PINX1: variants seen among roughly 807,000 people sequenced by gnomAD.
PINX1 encodes PIN2/TERF1-interacting telomerase inhibitor 1.
A neutral mutation model predicts 25.4 loss-of-function variants in PINX1; 34 were observed. The ratio of observed to expected loss-of-function variants is 1.34; its 90% CI spans 1.02 to 1.78. The LOEUF (loss-of-function observed/expected upper bound fraction) is 1.78, where lower values mean the gene tolerates loss of function less well. Among genes scored for constraint, PINX1 ranks in the 40% most tolerant of loss-of-function variants. The pLI, the probability that PINX1 is intolerant of heterozygous loss-of-function variation, is 0.00. For synonymous variants in PINX1, 197 were observed against 147.7 expected (o/e 1.33, Z -2.42); for missense variants, 592 against 404.9 (o/e 1.46, Z -3.97).
At chr8:10,808,184 A>C (rs1208228904) in intron 6 of PINX1, among the ~76,000 whole-genome samples, 1 of 152,252 alleles carries the variant, frequency 6.6e-6, no homozygotes. Context: ...TATACAATAC[A>C]ATCAGTAGTT....
chr8:10,823,214 C>T (rs778364998), intron 5 of PINX1, among the ~76,000 whole-genome samples: 3 of 152,284 alleles, frequency 2.0e-5, no homozygotes, highest in African/African-American at 7.2e-5. Flanking sequence ...CTGTATTTCC[C>T]GACCAGGAAG....
At chr8:10,812,639 A>G (rs759003671) in intron 6 of PINX1, among the ~76,000 whole-genome samples, 10 of 152,212 alleles carry the variant, frequency 6.6e-5, no homozygotes, top group Non-Finnish European at 1.5e-4. Context: ...GTTTCTGTGC[A>G]TAACATGCTT....
intron 6 of PINX1, among the ~76,000 whole-genome samples, chr8:10,815,660 T>C (rs1035238929): frequency 6.6e-6 from 1 of 152,220 alleles, no homozygotes; most frequent in Non-Finnish European, 1.5e-5. Flanking sequence ...GAGTGTACCC[T>C]GAGATACTGC....
chr8:10,779,058 A>G (rs1233288128), intron 6 of PINX1, among the ~76,000 whole-genome samples: 1 of 152,192 alleles, frequency 6.6e-6, no homozygotes, highest in Non-Finnish European at 1.5e-5. Context: ...TTACGCTTCC[A>G]TTTTGGAATG....
At chr8:10,828,181 G>A (rs1242426886) in intron 4 of PINX1, among the ~76,000 whole-genome samples, 1 of 152,160 alleles carries the variant, frequency 6.6e-6, no homozygotes, top group Admixed American at 6.5e-5. Context: ...TCCACAAGCT[G>A]AAACATTCTC....
intron 6 of PINX1, among the ~76,000 whole-genome samples, chr8:10,790,203 C>T (rs563061554): frequency 2.0e-5 from 3 of 152,220 alleles, no homozygotes; most frequent in Admixed American, 6.5e-5. Context: ...TGTCTGTAAG[C>T]GATCTAACGG....
At chr8:10,786,782 T>C (rs1356606830) in intron 6 of PINX1, among the ~76,000 whole-genome samples, 1 of 152,116 alleles carries the variant, frequency 6.6e-6, no homozygotes, top group Admixed American at 6.5e-5. Context: ...AAAGCACTCC[T>C]AGGAACTTTC....
chr8:10,835,964 A>G (rs1798393423), intron 1 of PINX1, among the ~76,000 whole-genome samples: 1 of 152,212 alleles, frequency 6.6e-6, no homozygotes, highest in South Asian at 2.1e-4. Flanking sequence ...AAAGGTTCAA[A>G]GCACAAGAAT....
intron 1 of PINX1, among the ~76,000 whole-genome samples, chr8:10,837,324 G>T (rs1367370538): frequency 6.6e-6 from 1 of 152,230 alleles, no homozygotes; most frequent in Non-Finnish European, 1.5e-5. Context: ...AATTAAGCGT[G>T]TTATGTGTGA....
At position 10,788,860 on chromosome 8, in the gene PINX1, G is replaced by C. The variant is rs551800781; in HGVS notation, c.472-22944C>G. ...ATGAGATCATGGATTGGCCGCCAGAGACCGCTACTAATGTTAGAACAGGGT... is the reference window on the plus strand; with the variant it reads ...ATGAGATCATGGATTGGCCGCCAGACACCGCTACTAATGTTAGAACAGGGT... On this transcript the variant is annotated intron_variant, in intron 6 of 6. Transcript: ENST00000314787. 4.6e-5 allele frequency among the ~76,000 whole-genome samples: 7 copies of C among 152,322 alleles called. No individual in the cohort carries two copies. The South Asian group carries it at 1.4e-3, about 32-fold the overall frequency.
At chr8:10,771,607 G>C (rs1445673222) in intron 6 of PINX1, among the ~76,000 whole-genome samples, 1 of 152,206 alleles carries the variant, frequency 6.6e-6, no homozygotes, top group Non-Finnish European at 1.5e-5. Flanking sequence ...TACAGTAAGT[G>C]CTCAACAAAG....
In PINX1 at chr8:10,832,660, C is replaced by T. The variant is rs140025947; in HGVS notation, c.222+232G>A. On this transcript the variant is annotated intron_variant, in intron 3 of 6. Transcript: ENST00000314787. ...GCAAAAACTTAGAAACAAAACTTTT[C>T]AGTTTAGATCCTTTCCAAAAGGGAA... is the stretch of plus-strand genomic sequence containing the variant. Among the ~76,000 whole-genome samples, 1,106 of 152,288 alleles carry T rather than the reference C, an allele frequency of 7.3e-3. 15 individuals carry two copies. Among genetic ancestry groups the T allele is most frequent in the African/African-American group, 0.025 (1,040 of 41,576 alleles).
chr8:10,789,260 G>C (rs1801847298), intron 6 of PINX1, among the ~76,000 whole-genome samples: 1 of 152,248 alleles, frequency 6.6e-6, no homozygotes, highest in Non-Finnish European at 1.5e-5. Context: ...GAGGAGCCAT[G>C]CTGGACGAGC....
chr8:10,795,529 T>C (rs1384616565), intron 6 of PINX1, among the ~76,000 whole-genome samples: 3 of 152,220 alleles, frequency 2.0e-5, no homozygotes, highest in African/African-American at 7.2e-5. Flanking sequence ...GCATCCCAAG[T>C]AGCTGGGACT....
Position 10,765,869 on chromosome 8 carries a change from G to A in PINX1, c.519C>T (p.Thr173=). ...STPEENETTT[T]SAFTIQEYFA... ...AGTACTCCTGGATGGTGAAGGCGCT[G>A]GTTGTCGTGGTTTCGTTCTCCTCTG... The change falls in exon 7 of 7, where the codon ACC becomes ACT. Residue 173 remains threonine, a synonymous_variant. Transcript: ENST00000314787. 2.5e-6 allele frequency: 4 copies of A among 1,613,924 alleles called. No individual in the cohort carries two copies. Among genetic ancestry groups the A allele is most frequent in the South Asian group, 1.1e-5 (1 of 91,088 alleles).
intron 6 of PINX1, among the ~76,000 whole-genome samples, chr8:10,774,795 G>T (rs1430864149): frequency 6.6e-6 from 1 of 152,168 alleles, no homozygotes; most frequent in Non-Finnish European, 1.5e-5. Context: ...AGAAATCAAT[G>T]TAGCAAATAA....
At chr8:10,780,170 T>C (rs1012647333) in intron 6 of PINX1, among the ~76,000 whole-genome samples, 3 of 152,216 alleles carry the variant, frequency 2.0e-5, no homozygotes, top group African/African-American at 7.2e-5. Flanking sequence ...AACGAGATAA[T>C]TTTAATTTTT....
At chr8:10,822,225 G>C (rs1293691479) in intron 5 of PINX1, 1 of 152,124 alleles carries the variant, frequency 6.6e-6, no homozygotes, top group Admixed American at 6.6e-5. Context: ...CCTTGAGATA[G>C]TTACTAATTA....
At chr8:10,833,098 C>G (rs1172066684) in intron 2 of PINX1, 114 bp from the exon 3 acceptor site, 2 of 614,270 alleles carry the variant, frequency 3.3e-6, no homozygotes, top group African/African-American at 3.8e-5. Context: ...TGATGATTCT[C>G]TCCATTAAAT....
Sources: gnomAD v4.1 joint callset for allele counts (sites outside exome capture counted in the v4.1 genomes callset) on GRCh38, gnomAD v4.1.1 for gene constraint, MANE v1.5 for transcripts, NCBI Gene and HGNC (gene_info 2026-07-23, HGNC 2026-07-21) for gene names.